Variants in CDC20B observed in about 807,000 individuals in gnomAD.
CDC20B encodes cell division cycle protein 20 homolog B.
In CDC20B, 58 loss-of-function variants were observed where a neutral mutation model predicts 64.1. The ratio of observed to expected loss-of-function variants is 0.90; its 90% confidence interval spans 0.73 to 1.13. The LOEUF is 1.13. Among genes scored for constraint, CDC20B ranks in the 50% most tolerant of loss-of-function variants. The pLI is 0.00. For missense variants in CDC20B, 597 were observed against 633.0 expected (o/e 0.94, Z 0.61); for synonymous variants, 243 against 230.6 (o/e 1.05, Z -0.49).
In CDC20B at chr5:55,113,685, A is replaced by T. The variant is rs1417902439; in HGVS notation, c.*533T>A. The T allele has an allele frequency of 6.5e-6, 1 of 152,714 alleles. No individual in the cohort carries two copies. Among genetic ancestry groups the T allele is most frequent in the East Asian group, 1.9e-4 (1 of 5,186 alleles). The allele number at this position is 152,714 out of a possible 1,614,324, so 9.5% of individuals were successfully genotyped here. A position where few individuals can be genotyped will look rare whatever the true frequency, so the allele number is the denominator to read the frequency against. On this transcript the variant is annotated 3_prime_UTR_variant, in exon 12 of 12. Transcript: ENST00000381375. ...ATGAGACCATCAGGAGGGGAAAGGG[A>T]TTCCTACAGAACTGATTTTTAGAGA...
chr5:55,127,839 A>T (rs1742932906), intron 7 of CDC20B, among the ~76,000 whole-genome samples: 1 of 152,166 alleles, frequency 6.6e-6, no homozygotes, highest in Non-Finnish European at 1.5e-5. Flanking sequence ...CTTTGGTGTA[A>T]GAAGAAATCA....
rs1189223934 is a variant in CDC20B at position 55,127,245 on chromosome 5, G to C, written c.989+12C>G. 1 of 1,607,748 alleles carries C rather than the reference G, an allele frequency of 6.2e-7. No homozygotes were observed. Among genetic ancestry groups the C allele is most frequent in the Non-Finnish European group, 8.5e-7 (1 of 1,174,434 alleles). On this transcript the variant is annotated intron_variant, in intron 8 of 11. Coordinates refer to ENST00000381375, the MANE Select transcript of CDC20B (RefSeq NM_001170402.1). ...ATACAAACATAACTGTCTCCAACAA[G>C]ACGCTTCTTACCTGCTGAGGATAAA...
chr5:55,134,613 T>G (rs961289496), intron 5 of CDC20B, among the ~76,000 whole-genome samples: 1 of 151,910 alleles, frequency 6.6e-6, no homozygotes, highest in Admixed American at 6.6e-5. Context: ...AATGCAGAAA[T>G]TAGCCAGGCA....
Position 55,114,356 on chromosome 5 carries a change from G to C in CDC20B, c.1460-38C>G. The C allele has an allele frequency of 6.2e-7, 1 of 1,609,072 alleles. No homozygotes were observed. The highest frequency in any genetic ancestry group is 1.7e-5 in the Admixed American group (1 of 59,472). ...GGAAAGACAGTTCATACTCCTCCACGTTACATGGGCTGCTGCTCAGGACTG... is the reference window on the plus strand; with the variant it reads ...GGAAAGACAGTTCATACTCCTCCACCTTACATGGGCTGCTGCTCAGGACTG... On this transcript the variant is annotated intron_variant, in intron 11 of 11. Coordinates refer to ENST00000381375, the MANE Select transcript of CDC20B (RefSeq NM_001170402.1). The surrounding 1 kb of genome is among the most constrained non-coding windows in gnomAD (Gnocchi z 4.1).
chr5:55,114,210 G>T lies in CDC20B; in HGVS notation c.*8C>A, dbSNP rs1485565387. The T allele has an allele frequency of 6.2e-7, 1 of 1,612,750 alleles. No individual in the cohort carries two copies. Among genetic ancestry groups the T allele is most frequent in the Admixed American group, 1.7e-5 (1 of 59,828 alleles). On this transcript the variant is annotated 3_prime_UTR_variant, in exon 12 of 12. Transcript: ENST00000381375. The surrounding 1 kb of genome is among the most constrained non-coding windows in gnomAD (Gnocchi z 4.1). ...AATAAGGAAACTGAAACCTAGAGGG[G>T]CTGGGTGCTAGTAGCAATTCCATAC...
At chr5:55,127,198 C>G in intron 8 of CDC20B, 59 bp downstream of exon 8, 1 of 1,408,052 alleles carries the variant, frequency 7.1e-7, no homozygotes, top group Non-Finnish European at 1.0e-6. Context: ...ACTGTTTACT[C>G]AGGCCCCATA....
At chr5:55,145,333 T>G (rs964260354) in intron 3 of CDC20B, among the ~76,000 whole-genome samples, 1 of 152,264 alleles carries the variant, frequency 6.6e-6, no homozygotes, top group Non-Finnish European at 1.5e-5. Flanking sequence ...CCTTTCAATC[T>G]GCAGAACTGC....
chr5:55,120,077 C>G (rs772951618), intron 10 of CDC20B, among the ~76,000 whole-genome samples, 159 bp from the exon 11 acceptor site: 1 of 151,972 alleles, frequency 6.6e-6, no homozygotes, highest in African/African-American at 2.4e-5. Context: ...AAAGTTTATC[C>G]CAAGGCAACA....
intron 2 of CDC20B, chr5:55,170,570 G>A: frequency 1.9e-6 from 1 of 534,822 alleles, no homozygotes; most frequent in South Asian, 1.4e-5. Flanking sequence ...GTTAGCCGAT[G>A]CCATTCACAT....
intron 2 of CDC20B, among the ~76,000 whole-genome samples, chr5:55,153,240 TAAAAAA>T (rs1206577177): frequency 2.3e-5 from 2 of 87,660 alleles, no homozygotes; most frequent in African/African-American, 1.0e-4. Flanking sequence ...CCTTGTCTCA[TAAAAAA>T]AAAAAAAAAA....
Position 55,113,038 on chromosome 5 carries a change from C to T in CDC20B, c.*1180G>A, listed in dbSNP as rs1742544249. On this transcript the variant is annotated 3_prime_UTR_variant, in exon 12 of 12. Transcript: ENST00000381375. ...AATAATACCAAATAGATGATACAGG[C>T]TAATGCCAAGAACTCAAACCCAGGT... 1 of 152,108 alleles carries T rather than the reference C, an allele frequency of 6.6e-6. No individual in the cohort carries two copies. The highest frequency in any genetic ancestry group is 1.5e-5 in the Non-Finnish European group (1 of 68,022). The allele number at this position is 152,108 out of a possible 1,614,324, so 9.4% of individuals were successfully genotyped here.
chr5:55,125,733 A>G (rs149439990), intron 8 of CDC20B, among the ~76,000 whole-genome samples: 75 of 152,364 alleles, frequency 4.9e-4, no homozygotes, highest in African/African-American at 1.8e-3. Context: ...ATGTTCCACA[A>G]TTATTTCAGA....
intron 2 of CDC20B, among the ~76,000 whole-genome samples, chr5:55,153,603 C>A (rs1218456939): frequency 3.0e-5 from 2 of 67,284 alleles, no homozygotes. Flanking sequence ...GAATAAATCC[C>A]CCCGGGGTGG....
intron 2 of CDC20B, among the ~76,000 whole-genome samples, chr5:55,171,075 A>T (rs1369533398): frequency 6.6e-6 from 1 of 152,244 alleles, no homozygotes; most frequent in East Asian, 1.9e-4. Context: ...GCACTTTGGG[A>T]GGCCAAGGTT....
chr5:55,128,434 T>C lies in CDC20B; in HGVS notation c.881A>G (p.Glu294Gly). Residue 294 changes from glutamate to glycine, a missense_variant, in exon 7 of 12, where the codon GAG (glutamate) becomes GGG (glycine). Transcript: ENST00000381375. ...EGTCLAVGTS[E>G]GEVQLWDVVT... ...ACTGGCCAGTACTTGCACTTCTCCC[T>C]CGCTGGTGCCAACTGCCAGGCAAGT... 2 of 1,603,450 alleles carry C rather than the reference T, an allele frequency of 1.2e-6. No homozygotes were observed. Among genetic ancestry groups the C allele is most frequent in the Non-Finnish European group, 1.7e-6 (2 of 1,177,126 alleles).
At chr5:55,140,449 A>G (rs774745351) in intron 4 of CDC20B, 42 bp from the exon 5 acceptor site, 7 of 1,328,172 alleles carry the variant, frequency 5.3e-6, no homozygotes, top group Non-Finnish European at 7.5e-6. Context: ...CTTTAAAAAC[A>G]TACATGTACA....
chr5:55,155,533 G>C (rs1743783988), intron 2 of CDC20B, among the ~76,000 whole-genome samples: 1 of 152,104 alleles, frequency 6.6e-6, no homozygotes, highest in Non-Finnish European at 1.5e-5. Flanking sequence ...GCAGCATTCT[G>C]TCCACAAGAT....
chr5:55,171,253 C>A (rs1744589191), intron 2 of CDC20B, among the ~76,000 whole-genome samples: 1 of 152,304 alleles, frequency 6.6e-6, no homozygotes, highest in East Asian at 1.9e-4. Flanking sequence ...CTGGAGTTTG[C>A]AGTGAGCCGA....
chr5:55,163,288 G>T (rs2111574394), intron 2 of CDC20B, among the ~76,000 whole-genome samples: 1 of 152,128 alleles, frequency 6.6e-6, no homozygotes, highest in East Asian at 1.9e-4. Context: ...GGGAGGCCAA[G>T]ACAGGAGGAT....
Sources: allele counts gnomAD v4.1 joint callset (sites outside exome capture counted in the v4.1 genomes callset), GRCh38; gene constraint gnomAD v4.1.1; non-coding constraint Gnocchi (gnomAD v3.1); transcripts MANE v1.5; gene names NCBI Gene and HGNC (gene_info 2026-07-23, HGNC 2026-07-21).